The following CAMTA1 variants were observed in gnomAD, a reference collection of about 807,000 sequenced individuals.
The protein encoded by CAMTA1 is calmodulin-binding transcription activator 1.
Under a neutral mutation model 170.9 loss-of-function variants are expected in CAMTA1, and 27 were observed. The observed-to-expected ratio is 0.16, with a 90% CI of 0.12 to 0.22. The LOEUF is 0.22. Ranked by LOEUF, CAMTA1 falls within the 10% of genes least tolerant of loss-of-function variation. The pLI is 1.00. For missense variants in CAMTA1, 1,619 were observed against 2,217.2 expected, an observed-to-expected ratio of 0.73 and a Z score of 5.42; for synonymous variants, 833 against 891.5, an observed-to-expected ratio of 0.93 and a Z score of 1.17.
chr1:7,661,676 C>A (rs2095959119), intron 7 of CAMTA1, 50 bp from the exon 8 acceptor site: 2 of 1,606,776 alleles, frequency 1.2e-6, no homozygotes, highest in East Asian at 4.5e-5. Flanking sequence ...CCACCCAGGT[C>A]CCCTCTGCAC....
intron 3 of CAMTA1, among the ~76,000 whole-genome samples, chr1:6,912,700 C>G (rs995291906): frequency 7.2e-5 from 11 of 152,186 alleles, no homozygotes; most frequent in African/African-American, 1.4e-4. Flanking sequence ...CCCTCATGCC[C>G]CACCTCTGCC....
At chr1:7,096,318 G>T in intron 4 of CAMTA1, among the ~76,000 whole-genome samples, 1 of 152,110 alleles carries the variant, frequency 6.6e-6, no homozygotes, top group East Asian at 1.9e-4. Context: ...CCGCCCTGAT[G>T]GTGGTGGACA....
intron 6 of CAMTA1, among the ~76,000 whole-genome samples, chr1:7,608,419 C>T (rs1476434328): frequency 6.6e-6 from 1 of 152,204 alleles, no homozygotes; most frequent in Non-Finnish European, 1.5e-5. Context: ...TCCTCTGGAG[C>T]AGGCACATGT....
intron 3 of CAMTA1, among the ~76,000 whole-genome samples, chr1:7,079,467 T>TA (rs1639730156): frequency 1.4e-5 from 2 of 141,482 alleles, no homozygotes; most frequent in African/African-American, 5.7e-5. Context: ...AAATTAGTGA[T>TA]AAAGATTTTT....
At chr1:7,274,406 C>T (rs1392654327) in intron 5 of CAMTA1, among the ~76,000 whole-genome samples, 2 of 152,174 alleles carry the variant, frequency 1.3e-5, no homozygotes, top group Non-Finnish European at 2.9e-5. Flanking sequence ...GTTAGGAAAA[C>T]ATGACCGTCC....
At chr1:7,610,157 T>A (rs2056674) in intron 6 of CAMTA1, among the ~76,000 whole-genome samples, 26,579 of 152,096 alleles carry the variant, frequency 0.17, 2,778 homozygotes, top group African/African-American at 0.29. Flanking sequence ...TCACATGTGC[T>A]CACATGGCAG....
At chr1:7,266,202 G>A (rs1381201699) in intron 5 of CAMTA1, among the ~76,000 whole-genome samples, 1 of 144,264 alleles carries the variant, frequency 6.9e-6, no homozygotes, top group Non-Finnish European at 1.6e-5. Context: ...GGCGTGCTTG[G>A]CAGAGGAGGG....
intron 3 of CAMTA1, among the ~76,000 whole-genome samples, chr1:6,925,714 C>T (rs953306469): frequency 6.6e-6 from 1 of 152,194 alleles, no homozygotes; most frequent in East Asian, 1.9e-4. Context: ...GCTGGGGAAT[C>T]CTGGCACCCA....
intron 3 of CAMTA1, among the ~76,000 whole-genome samples, chr1:6,879,178 G>A (rs1670767502): frequency 6.6e-6 from 1 of 152,146 alleles, no homozygotes. Context: ...GTAGAGCCTG[G>A]AAGTATTTTA....
At chr1:7,400,611 C>T (rs2089821736) in intron 5 of CAMTA1, among the ~76,000 whole-genome samples, 1 of 152,114 alleles carries the variant, frequency 6.6e-6, no homozygotes, top group East Asian at 1.9e-4. Context: ...GTCACCTCTC[C>T]CAATTTTATA....
intron 4 of CAMTA1, among the ~76,000 whole-genome samples, chr1:7,163,291 T>G (rs1240275048): frequency 1.1e-5 from 1 of 89,484 alleles, no homozygotes; most frequent in Admixed American, 1.6e-4. Flanking sequence ...GTGGCCAGGC[T>G]GGGGTGGGGG....
At chr1:7,429,990 CT>C (rs912437553) in intron 5 of CAMTA1, among the ~76,000 whole-genome samples, 11 of 152,262 alleles carry the variant, frequency 7.2e-5, no homozygotes, top group African/African-American at 2.6e-4. Flanking sequence ...GAAACCACCC[CT>C]ATGATCCGAT....
chr1:7,107,249 G>C lies in CAMTA1; in HGVS notation c.302+15878G>C, dbSNP rs141483185. Among the ~76,000 whole-genome samples the C allele has an allele frequency of 3.5e-3, 488 of 139,828 alleles. 1 individual carries two copies. Among genetic ancestry groups the C allele is most frequent in the African/African-American group, 0.013 (447 of 35,326 alleles). 91.7% of individuals were successfully genotyped at this position (139,828 alleles called of 152,430 possible). A position where few individuals can be genotyped will look rare whatever the true frequency, so the allele number is the denominator to read the frequency against. On this transcript the variant is annotated intron_variant, in intron 4 of 22. Coordinates refer to ENST00000303635, the MANE Select transcript of CAMTA1 (RefSeq NM_015215.4). ...CCAGACGGCACACGCAGGAGAGCCT[G>C]GTGTGTGTGCATGTGTATGTGTGTG...
chr1:7,496,502 A>G (rs1391577722), intron 6 of CAMTA1, among the ~76,000 whole-genome samples: 1 of 152,184 alleles, frequency 6.6e-6, no homozygotes, highest in African/African-American at 2.4e-5. Context: ...TGCAGCAGAC[A>G]GGGCGGACAT....
chr1:6,949,371 C>T (rs1688079729), intron 3 of CAMTA1, among the ~76,000 whole-genome samples: 1 of 152,264 alleles, frequency 6.6e-6, no homozygotes, highest in African/African-American at 2.4e-5. Flanking sequence ...CCCTCGAGGG[C>T]AGACATATGC....
chr1:7,675,062 G>T (rs981138421), intron 10 of CAMTA1, among the ~76,000 whole-genome samples: 3 of 152,218 alleles, frequency 2.0e-5, no homozygotes, highest in African/African-American at 4.8e-5. Flanking sequence ...GAAGAAGGAG[G>T]TTCCTTCTGG....
chr1:6,859,456 G>A (rs1346644535), intron 3 of CAMTA1, among the ~76,000 whole-genome samples: 1 of 152,184 alleles, frequency 6.6e-6, no homozygotes. Flanking sequence ...TAGGACAGAA[G>A]TGCTTGTCAG....
chr1:7,658,335 C>T (rs2095923543), intron 7 of CAMTA1, among the ~76,000 whole-genome samples: 1 of 152,172 alleles, frequency 6.6e-6, no homozygotes, highest in African/African-American at 2.4e-5. Context: ...CGTGTTCTCC[C>T]ATCCTAACAG....
In CAMTA1 at chr1:7,092,702, G is replaced by A. The variant is rs1375002612; in HGVS notation, c.302+1331G>A. ...GTGTAAGAAACGACCTGCAAGCTTA[G>A]TGACTTTAAACAACAAATCTTTATT... On this transcript the variant is annotated intron_variant, in intron 4 of 22. Coordinates refer to ENST00000303635, the MANE Select transcript of CAMTA1 (RefSeq NM_015215.4). This position sits in a 1 kb window ranked among gnomAD's most constrained non-coding sequence, Gnocchi z 5.0. 6.6e-6 allele frequency among the ~76,000 whole-genome samples: 1 copy of A among 152,262 alleles called. No homozygotes were observed. The highest frequency in any genetic ancestry group is 1.5e-5 in the Non-Finnish European group (1 of 68,048).
Sources: allele counts gnomAD v4.1 joint callset (sites outside exome capture counted in the v4.1 genomes callset), GRCh38; gene constraint gnomAD v4.1.1; non-coding constraint Gnocchi (gnomAD v3.1); transcripts MANE v1.5; gene names NCBI Gene and HGNC (gene_info 2026-07-23, HGNC 2026-07-21).